Variants in RHOBTB1 observed in about 807,000 individuals in gnomAD.
RHOBTB1 encodes Rho related BTB domain containing 1.
RHOBTB1 carries 40 observed loss-of-function variants against 71.6 expected under a neutral mutation model. The ratio of observed to expected loss-of-function variants is 0.56; its 90% CI spans 0.43 to 0.73. The LOEUF is 0.73. Ranked by LOEUF, RHOBTB1 falls within the 30% of genes least tolerant of loss-of-function variation. The pLI is 0.00. For synonymous variants in RHOBTB1, 319 were observed against 334.9 expected (o/e 0.95, Z 0.52); for missense variants, 797 against 894.0 (o/e 0.89, Z 1.38).
rs2080717355 is a variant in RHOBTB1 at position 60,870,261 on chromosome 10, CAG to C, written c.*1219_*1220del. ...CTGAAAACTCAGAATGAGAAAGAGT[CAG>C]AACGAACTCACAATAGCACCATTTC... On this transcript the variant is annotated 3_prime_UTR_variant, in exon 11 of 11. Coordinates refer to ENST00000337910, the MANE Select transcript of RHOBTB1 (RefSeq NM_014836.5). The C allele has an allele frequency of 6.6e-6, 1 of 152,426 alleles. No individual in the cohort carries two copies. Among genetic ancestry groups the C allele is most frequent in the African/African-American group, 2.4e-5 (1 of 41,276 alleles). 9.4% of individuals were successfully genotyped at this position (152,426 alleles called of 1,614,324 possible).
chr10:60,962,739 G>A (rs1285203950), intron 2 of RHOBTB1, among the ~76,000 whole-genome samples: 2 of 152,160 alleles, frequency 1.3e-5, no homozygotes, highest in African/African-American at 4.8e-5. Flanking sequence ...GTCAATTTTG[G>A]GGAAGTAGAA....
intron 1 of RHOBTB1, among the ~76,000 whole-genome samples, chr10:60,993,903 T>C (rs2086954664): frequency 6.6e-6 from 1 of 152,150 alleles, no homozygotes; most frequent in Admixed American, 6.5e-5. Flanking sequence ...TTTAGCTCAA[T>C]AGTGCAATTA....
At chr10:60,998,448 A>G (rs1429940553) in intron 1 of RHOBTB1, among the ~76,000 whole-genome samples, 1 of 152,214 alleles carries the variant, frequency 6.6e-6, no homozygotes, top group Non-Finnish European at 1.5e-5. Flanking sequence ...GAAGAAGACA[A>G]AAACAACAGT....
intron 7 of RHOBTB1, among the ~76,000 whole-genome samples, chr10:60,879,538 G>A (rs1400166762): frequency 6.6e-6 from 1 of 151,520 alleles, no homozygotes; most frequent in Non-Finnish European, 1.5e-5. Flanking sequence ...GAAATGGCGG[G>A]CTTGCTATGC....
At chr10:60,998,331 T>A (rs905431188) in intron 1 of RHOBTB1, among the ~76,000 whole-genome samples, 1 of 152,232 alleles carries the variant, frequency 6.6e-6, no homozygotes, top group Non-Finnish European at 1.5e-5. Context: ...AACTATGTGC[T>A]ATTCATCACT....
At chr10:60,952,644 A>C (rs2085453378) in intron 2 of RHOBTB1, among the ~76,000 whole-genome samples, 1 of 152,202 alleles carries the variant, frequency 6.6e-6, no homozygotes, top group Non-Finnish European at 1.5e-5. Flanking sequence ...TTTCATATTT[A>C]CCCTTCCCTA....
chr10:60,893,134 AC>A lies in RHOBTB1; in HGVS notation c.297-140del, dbSNP rs1009298135. 21 of 673,660 alleles carry A rather than the reference AC, an allele frequency of 3.1e-5. No individual in the cohort carries two copies. The African/African-American group carries it at 3.8e-4, about 12-fold the overall frequency. 41.7% of individuals were successfully genotyped at this position (673,660 alleles called of 1,614,324 possible). A position where few individuals can be genotyped will look rare whatever the true frequency, so the allele number is the denominator to read the frequency against. ...AAAAAAAAAGACCAGATATTAAAAA[AC>A]ATCTTGGAGTCATGCAAACAGCCTG... On this transcript the variant is annotated intron_variant, in intron 4 of 10. Transcript: ENST00000337910.
chr10:60,929,873 A>G (rs2084129907), intron 2 of RHOBTB1, among the ~76,000 whole-genome samples: 1 of 152,178 alleles, frequency 6.6e-6, no homozygotes, highest in Non-Finnish European at 1.5e-5. Flanking sequence ...AAATTAATAA[A>G]TATCCCACAT....
chr10:60,969,538 T>C (rs2086081897), intron 2 of RHOBTB1, among the ~76,000 whole-genome samples: 1 of 152,098 alleles, frequency 6.6e-6, no homozygotes, highest in Admixed American at 6.6e-5. Flanking sequence ...AACAGTTCAT[T>C]AGCCCCAAAG....
chr10:60,914,363 C>G (rs904486011), intron 2 of RHOBTB1, among the ~76,000 whole-genome samples: 5 of 152,176 alleles, frequency 3.3e-5, no homozygotes, highest in African/African-American at 7.2e-5. Context: ...TAGCCTGAAT[C>G]AGAAACACAG....
intron 9 of RHOBTB1, 62 bp from the exon 10 acceptor site, chr10:60,872,352 T>C: frequency 2.5e-6 from 3 of 1,185,504 alleles, no homozygotes; most frequent in South Asian, 2.5e-5. Context: ...ACAAAGAAAT[T>C]GGGGAAGCCA....
At chr10:60,937,114 C>T (rs1348498006) in intron 2 of RHOBTB1, among the ~76,000 whole-genome samples, 1 of 152,072 alleles carries the variant, frequency 6.6e-6, no homozygotes, top group Non-Finnish European at 1.5e-5. Flanking sequence ...AGCTTTCTTC[C>T]GCGTATGTGA....
intron 5 of RHOBTB1, among the ~76,000 whole-genome samples, chr10:60,891,043 G>A (rs769496595): frequency 6.6e-6 from 1 of 152,176 alleles, no homozygotes; most frequent in Non-Finnish European, 1.5e-5. Flanking sequence ...TATACAGAAA[G>A]TTGCTGAGGC....
intron 4 of RHOBTB1, among the ~76,000 whole-genome samples, chr10:60,897,553 C>T (rs903281843): frequency 5.9e-5 from 9 of 152,158 alleles, no homozygotes; most frequent in African/African-American, 1.7e-4. Context: ...GTAAATTTTA[C>T]GGGCAATGAG....
chr10:60,993,277 G>A (rs2086931915), intron 1 of RHOBTB1, among the ~76,000 whole-genome samples: 2 of 152,040 alleles, frequency 1.3e-5, no homozygotes, highest in South Asian at 2.1e-4. Context: ...AATTATAAAC[G>A]TTCAAAGTGC....
chr10:60,975,618 C>T (rs946067974), intron 2 of RHOBTB1, among the ~76,000 whole-genome samples: 7 of 152,030 alleles, frequency 4.6e-5, no homozygotes, highest in Non-Finnish European at 8.8e-5. Flanking sequence ...GTAACATTCT[C>T]CACGTGCTGT....
At chr10:60,873,214 T>C (rs1033861078) in intron 9 of RHOBTB1, among the ~76,000 whole-genome samples, 5 of 152,240 alleles carry the variant, frequency 3.3e-5, no homozygotes, top group Non-Finnish European at 7.3e-5. Flanking sequence ...AAAACAAGGC[T>C]GGGGCAGTGT....
At chr10:61,000,002 AACATGCATCTAAATCATCTT>A (rs2087201657) in intron 1 of RHOBTB1, among the ~76,000 whole-genome samples, 1 of 152,248 alleles carries the variant, frequency 6.6e-6, no homozygotes. Flanking sequence ...ATTGACAGGA[AACATGCATCTAAATCATCTT>A]ACATGCATGG....
chr10:60,950,107 A>G (rs2085361705), intron 2 of RHOBTB1, among the ~76,000 whole-genome samples: 1 of 152,184 alleles, frequency 6.6e-6, no homozygotes, highest in African/African-American at 2.4e-5. Flanking sequence ...GTCTAGCTCA[A>G]CATGCATAAG....
Sources: gnomAD v4.1 joint callset for allele counts (sites outside exome capture counted in the v4.1 genomes callset) on GRCh38, gnomAD v4.1.1 for gene constraint, MANE v1.5 for transcripts, NCBI Gene and HGNC (gene_info 2026-07-23, HGNC 2026-07-21) for gene names.